MYT1L: variants seen among roughly 807,000 people sequenced by gnomAD.
MYT1L encodes the protein myelin transcription factor 1-like protein.
Under a neutral mutation model 126.7 loss-of-function variants are expected in MYT1L, and 12 were observed. The ratio of observed to expected loss-of-function variants is 0.09; its 90% confidence interval spans 0.06 to 0.15. The LOEUF is 0.15. MYT1L is among the 10% of genes least tolerant of loss of function. The probability of loss-of-function intolerance (pLI) is 1.00; values close to 1 mark genes in which losing one functional copy is unlikely to be tolerated. For synonymous variants in MYT1L, 541 were observed against 604.2 expected (o/e 0.90, Z 1.53); for missense variants, 979 against 1,585.2 (o/e 0.62, Z 6.49).
chr2:2,191,199 C>A (rs1426372317), intron 2 of MYT1L, among the ~76,000 whole-genome samples: 1 of 152,186 alleles, frequency 6.6e-6, no homozygotes, highest in Non-Finnish European at 1.5e-5. Flanking sequence ...TGGCTCCCTT[C>A]CCAGCACAGG....
rs2051400367 is a variant in MYT1L at position 1,908,391 on chromosome 2, C to T, written c.1817+1849G>A. Among the ~76,000 whole-genome samples, 3 of 151,986 alleles carry T rather than the reference C, an allele frequency of 2.0e-5. No individual in the cohort carries two copies. In the South Asian group the frequency reaches 6.3e-4, roughly 32 times the overall value. On this transcript the variant is annotated intron_variant, in intron 13 of 24. Coordinates refer to ENST00000647738, the MANE Select transcript of MYT1L (RefSeq NM_001303052.2). ...GGCAGTCGTAGGTGGTCAGTGCAGC[C>T]CCCGGGAGCAGGGAAGCCCAAAGGT...
At chr2:2,316,994 T>G (rs972739844) in intron 1 of MYT1L, among the ~76,000 whole-genome samples, 1 of 151,136 alleles carries the variant, frequency 6.6e-6, no homozygotes, top group Non-Finnish European at 1.5e-5. Flanking sequence ...TTTTTTTGGA[T>G]TTTTAATAGA....
chr2:2,064,606 G>A lies in MYT1L; in HGVS notation c.-303-10483C>T, dbSNP rs576432925. On this transcript the variant is annotated intron_variant, in intron 3 of 24. Transcript: ENST00000647738. ...AGGGAGTTTTTTGTGAGTTTTTTCA[G>A]TGCAATAATCTATACAATTCTGAAT... is the stretch of plus-strand genomic sequence containing the variant. 1.2e-3 allele frequency among the ~76,000 whole-genome samples: 177 copies of A among 152,232 alleles called. 1 individual carries two copies. The highest frequency in any genetic ancestry group is 2.2e-3 in the Non-Finnish European group (148 of 68,022).
chr2:2,096,727 C>T (rs972311769), intron 3 of MYT1L, among the ~76,000 whole-genome samples: 1 of 152,146 alleles, frequency 6.6e-6, no homozygotes, highest in Non-Finnish European at 1.5e-5. Flanking sequence ...ATCCTACCCC[C>T]AGCTCACCTT....
chr2:1,989,870 T>C (rs773898513), intron 5 of MYT1L, among the ~76,000 whole-genome samples: 23 of 151,976 alleles, frequency 1.5e-4, no homozygotes, highest in Non-Finnish European at 3.2e-4. Context: ...TGGTGGCGGG[T>C]GTCTGTAATC....
chr2:2,145,601 C>A (rs1464485519), intron 3 of MYT1L, among the ~76,000 whole-genome samples: 1 of 151,544 alleles, frequency 6.6e-6, no homozygotes, highest in African/African-American at 2.4e-5. Flanking sequence ...AAGGGAAGAA[C>A]ACCTTTCAGT....
intron 3 of MYT1L, among the ~76,000 whole-genome samples, chr2:2,152,075 A>G (rs2085889080): frequency 6.6e-6 from 1 of 152,202 alleles, no homozygotes; most frequent in African/African-American, 2.4e-5. Flanking sequence ...ATCAATCAAT[A>G]AAAGAAATAA....
intron 4 of MYT1L, among the ~76,000 whole-genome samples, chr2:2,014,193 C>T (rs1405989933): frequency 6.8e-6 from 1 of 146,172 alleles, no homozygotes; most frequent in African/African-American, 2.6e-5. Flanking sequence ...ATGCAGGAAT[C>T]CTGTTTTTTT....
At chr2:1,886,838 T>G (rs1289847119) in intron 17 of MYT1L, among the ~76,000 whole-genome samples, 1 of 152,194 alleles carries the variant, frequency 6.6e-6, no homozygotes, top group African/African-American at 2.4e-5. Flanking sequence ...TTTGTGCTCT[T>G]TGGCTTAAAT....
chr2:1,808,551 C>A (rs1029136995), intron 22 of MYT1L, among the ~76,000 whole-genome samples: 25 of 152,198 alleles, frequency 1.6e-4, no homozygotes, highest in Admixed American at 1.1e-3. Context: ...CCTCCAGAGG[C>A]CCCCAGTTTT....
intron 3 of MYT1L, among the ~76,000 whole-genome samples, chr2:2,092,008 T>C (rs1281213160): frequency 6.6e-6 from 1 of 152,226 alleles, no homozygotes; most frequent in Non-Finnish European, 1.5e-5. Flanking sequence ...TTTCCCCATA[T>C]CAGCAATAAG....
intron 18 of MYT1L, among the ~76,000 whole-genome samples, chr2:1,870,894 C>G (rs1339255470): frequency 6.6e-6 from 1 of 152,238 alleles, no homozygotes; most frequent in East Asian, 1.9e-4. Context: ...TGTGTGGAGA[C>G]CCAGCTCTGC....
chr2:2,320,202 CTGAG>C (rs1387703520), intron 1 of MYT1L, among the ~76,000 whole-genome samples: 1 of 152,100 alleles, frequency 6.6e-6, no homozygotes, highest in Non-Finnish European at 1.5e-5. Context: ...ATCTTGAGCA[CTGAG>C]TGTCTTCCCA....
In MYT1L at chr2:2,005,828, C is replaced by A. The variant is rs1002139106; in HGVS notation, c.-157-8481G>T. On this transcript the variant is annotated intron_variant, in intron 4 of 24. Coordinates refer to ENST00000647738, the MANE Select transcript of MYT1L (RefSeq NM_001303052.2). ...CCTTTCCTGCATGCGTTCTTTCCTG[C>A]ATGCCTTCTTTCCTGCCTGCTTTCT... Among the ~76,000 whole-genome samples, 4 of 150,248 alleles carry A rather than the reference C, an allele frequency of 2.7e-5. No individual in the cohort carries two copies. In the East Asian group the frequency reaches 8.0e-4, roughly 30 times the overall value.
chr2:2,084,442 G>A (rs1300450651), intron 3 of MYT1L, among the ~76,000 whole-genome samples: 1 of 152,208 alleles, frequency 6.6e-6, no homozygotes, highest in Non-Finnish European at 1.5e-5. Context: ...AGAAAACACT[G>A]AGAGCTCCCC....
intron 1 of MYT1L, among the ~76,000 whole-genome samples, chr2:2,299,640 A>C (rs1289325109): frequency 1.3e-5 from 2 of 152,200 alleles, no homozygotes; most frequent in Non-Finnish European, 2.9e-5. Flanking sequence ...TTCTAGTGCA[A>C]TCACAAGTAT....
chr2:1,797,258 C>CT (rs953174462), intron 23 of MYT1L, among the ~76,000 whole-genome samples: 6 of 151,820 alleles, frequency 4.0e-5, no homozygotes, highest in South Asian at 2.1e-4. Context: ...GTCCGGACTT[C>CT]TTTTTTTTTC....
chr2:2,049,959 G>GTA (rs112138976), intron 4 of MYT1L, among the ~76,000 whole-genome samples: 9,098 of 149,566 alleles, frequency 0.061, 338 homozygotes, highest in African/African-American at 0.079. Context: ...GTGTGTGTGT[G>GTA]TATATATATA....
At chr2:2,242,311 C>T (rs2094454928) in intron 2 of MYT1L, among the ~76,000 whole-genome samples, 1 of 152,210 alleles carries the variant, frequency 6.6e-6, no homozygotes, top group South Asian at 2.1e-4. Flanking sequence ...GGAAAACAAA[C>T]ATGTGACTTG....
Sources: gnomAD v4.1 joint callset for allele counts (sites outside exome capture counted in the v4.1 genomes callset) on GRCh38, gnomAD v4.1.1 for gene constraint, MANE v1.5 for transcripts, NCBI Gene and HGNC (gene_info 2026-07-23, HGNC 2026-07-21) for gene names.